The following PTPRD variants were observed in gnomAD, a reference collection of about 807,000 sequenced individuals.
PTPRD encodes protein tyrosine phosphatase receptor type D, also known as receptor-type tyrosine-protein phosphatase delta.
PTPRD carries 34 observed loss-of-function variants against 214.5 expected under a neutral mutation model. The observed-to-expected ratio is 0.16, with a 90% CI of 0.12 to 0.21. PTPRD has a LOEUF of 0.21. PTPRD is among the 10% of genes least tolerant of loss of function. The pLI, the probability that PTPRD is intolerant of heterozygous loss-of-function variation, is 1.00. For synonymous variants in PTPRD, 1,128 were observed against 845.7 expected, an observed-to-expected ratio of 1.33 and a Z score of -5.79; for missense variants, 2,545 against 2,398.7, an observed-to-expected ratio of 1.06 and a Z score of -1.27.
chr9:8,852,561 C>A (rs1200732454), intron 11 of PTPRD, among the ~76,000 whole-genome samples: 1 of 152,134 alleles, frequency 6.6e-6, no homozygotes, highest in Non-Finnish European at 1.5e-5. Context: ...AAGGTTTGCT[C>A]GTCGCAGGTG....
At chr9:10,386,464 C>T (rs2097915767) in intron 2 of PTPRD, among the ~76,000 whole-genome samples, 1 of 151,810 alleles carries the variant, frequency 6.6e-6, no homozygotes, top group African/African-American at 2.4e-5. Flanking sequence ...AAGGGCATTG[C>T]ATTTTGCTGT....
intron 4 of PTPRD, among the ~76,000 whole-genome samples, chr9:9,987,545 G>T (rs2095760021): frequency 6.6e-6 from 1 of 152,060 alleles, no homozygotes; most frequent in Admixed American, 6.6e-5. Flanking sequence ...AACAGCACGG[G>T]AAAGACCTGC....
intron 8 of PTPRD, among the ~76,000 whole-genome samples, chr9:9,558,828 G>A (rs116792418): frequency 0.012 from 1,761 of 152,232 alleles, 27 homozygotes; most frequent in African/African-American, 0.04. Flanking sequence ...TTACGAATTC[G>A]GGGACACCCT....
chr9:9,986,479 T>G (rs182096273), intron 4 of PTPRD, among the ~76,000 whole-genome samples: 1 of 152,138 alleles, frequency 6.6e-6, no homozygotes, highest in Admixed American at 6.5e-5. Context: ...GTAATATCAC[T>G]GCTGTAAGTA....
chr9:8,998,344 C>A lies in PTPRD; in HGVS notation c.-104+20353G>T, dbSNP rs2099404957. Among the ~76,000 whole-genome samples the A allele has an allele frequency of 3.3e-5, 5 of 151,932 alleles. No homozygotes were observed. The South Asian group carries it at 1.0e-3, about 31-fold the overall frequency. On this transcript the variant is annotated intron_variant, in intron 11 of 45. Transcript: ENST00000381196. ...GGAAGACAATACTCATTTACCATTC[C>A]AAAAATCTCAGGGCCCTTAAGAATT...
At chr9:10,556,084 T>C (rs2062518940) in intron 2 of PTPRD, among the ~76,000 whole-genome samples, 1 of 152,156 alleles carries the variant, frequency 6.6e-6, no homozygotes. Context: ...TTTTTTATAC[T>C]TCTGAGGCCT....
At position 9,680,652 on chromosome 9, in the gene PTPRD, G is replaced by C. The variant is rs537041693; in HGVS notation, c.-287+53881C>G. Among the ~76,000 whole-genome samples, 9 of 151,834 alleles carry C rather than the reference G, an allele frequency of 5.9e-5. No homozygotes were observed. In the South Asian group the frequency reaches 1.7e-3, roughly 28 times the overall value. ...GGACACCACCTACTACTAAAATATA[G>C]CTTGGAGGTGTGATTGCCTAAGTAC... On this transcript the variant is annotated intron_variant, in intron 7 of 45. Transcript: ENST00000381196.
intron 12 of PTPRD, among the ~76,000 whole-genome samples, chr9:8,700,167 G>A (rs2098040954): frequency 6.6e-6 from 1 of 152,086 alleles, no homozygotes; most frequent in Non-Finnish European, 1.5e-5. Flanking sequence ...GTGACATTCT[G>A]CTGCTGTAAA....
intron 9 of PTPRD, among the ~76,000 whole-genome samples, chr9:9,205,756 AT>A (rs547631703): frequency 3.9e-4 from 59 of 152,324 alleles, no homozygotes; most frequent in Middle Eastern, 3.4e-3. Flanking sequence ...TCACCCATTT[AT>A]AAAAAATATG....
intron 34 of PTPRD, among the ~76,000 whole-genome samples, chr9:8,445,686 G>A (rs180959219): frequency 6.6e-6 from 1 of 152,032 alleles, no homozygotes; most frequent in Non-Finnish European, 1.5e-5. Flanking sequence ...CTACCATTTA[G>A]GGGGAGAAAA....
chr9:10,414,278 C>A (rs971381577), intron 2 of PTPRD, among the ~76,000 whole-genome samples: 5 of 151,692 alleles, frequency 3.3e-5, no homozygotes, highest in African/African-American at 1.2e-4. Context: ...AAAAAGTAGA[C>A]AAATTACCTG....
intron 8 of PTPRD, among the ~76,000 whole-genome samples, chr9:9,425,752 T>C (rs894678008): frequency 3.1e-4 from 47 of 152,224 alleles, no homozygotes; most frequent in African/African-American, 1.1e-3. Context: ...CAGATTCAAT[T>C]ACATTTGGTT....
chr9:10,243,927 A>G (rs12344061), intron 3 of PTPRD, among the ~76,000 whole-genome samples: 82,769 of 151,656 alleles, frequency 0.55, 24,111 homozygotes, highest in East Asian at 0.73. Flanking sequence ...ATTTACATCA[A>G]AGTTTGATCA....
intron 5 of PTPRD, among the ~76,000 whole-genome samples, chr9:9,788,021 G>A (rs1477177331): frequency 6.6e-6 from 1 of 151,364 alleles, no homozygotes; most frequent in Non-Finnish European, 1.5e-5. Flanking sequence ...GACTTAAGGT[G>A]ATCCACCCCA....
intron 2 of PTPRD, among the ~76,000 whole-genome samples, chr9:10,564,171 C>CTTTTTTTTTTTTT (rs71332760): frequency 0.025 from 720 of 29,382 alleles, 231 homozygotes; most frequent in East Asian, 0.056. Context: ...CTAGGCTATT[C>CTTTTTTTTTTTTT]TTTTTTTTTT....
chr9:8,321,508 TATATATATATATATATATAA>T (rs1216632553), intron 44 of PTPRD, among the ~76,000 whole-genome samples: 15 of 100,712 alleles, frequency 1.5e-4, no homozygotes, highest in Admixed American at 9.0e-4. Flanking sequence ...TATATATATA[TATATATATATATATATATAA>T]AAGGTATATG....
chr9:8,559,093 T>C (rs986460582), intron 14 of PTPRD, among the ~76,000 whole-genome samples: 1 of 152,186 alleles, frequency 6.6e-6, no homozygotes, highest in Non-Finnish European at 1.5e-5. Flanking sequence ...TTATTCTGAC[T>C]GAGATGACAT....
chr9:10,412,543 G>A (rs1459805015), intron 2 of PTPRD, among the ~76,000 whole-genome samples: 1 of 151,158 alleles, frequency 6.6e-6, no homozygotes, highest in Non-Finnish European at 1.5e-5. Flanking sequence ...AATTGAGGCT[G>A]GACACTTCCC....
At chr9:8,737,900 C>T (rs1199149657) in intron 11 of PTPRD, among the ~76,000 whole-genome samples, 3 of 152,128 alleles carry the variant, frequency 2.0e-5, no homozygotes, top group African/African-American at 4.8e-5. Flanking sequence ...CCGCTCGCCT[C>T]GGCCTCCCAA....
Sources: gnomAD v4.1 joint callset for allele counts (sites outside exome capture counted in the v4.1 genomes callset) on GRCh38, gnomAD v4.1.1 for gene constraint, MANE v1.5 for transcripts, NCBI Gene and HGNC (gene_info 2026-07-23, HGNC 2026-07-21) for gene names.